ZDHHC7: variants seen among roughly 807,000 people sequenced by gnomAD.
ZDHHC7 encodes palmitoyltransferase ZDHHC7.
Under a neutral mutation model 34.1 loss-of-function variants are expected in ZDHHC7, and 12 were observed. The observed-to-expected ratio is 0.35, with a 90% CI of 0.23 to 0.57. ZDHHC7 has a LOEUF of 0.57. Ranked by LOEUF, ZDHHC7 falls within the 20% of genes least tolerant of loss-of-function variation. The pLI is 0.84. For synonymous variants in ZDHHC7, 185 were observed against 155.4 expected (o/e 1.19, Z -1.42); for missense variants, 388 against 402.7 (o/e 0.96, Z 0.31).
At chr16:84,995,738 C>A (rs939005173) in intron 2 of ZDHHC7, among the ~76,000 whole-genome samples, 184 bp downstream of exon 2, 2 of 152,324 alleles carry the variant, frequency 1.3e-5, no homozygotes, top group Admixed American at 6.5e-5. Flanking sequence ...CATGGAGTCC[C>A]CTCCACAGAT....
At chr16:85,025,647 A>G in the ZDHHC7 span, among the ~76,000 whole-genome samples, 1 of 152,042 alleles carries the variant, frequency 6.6e-6, no homozygotes, top group African/African-American at 2.4e-5. Flanking sequence ...TGACCTCATG[A>G]TCCGCCCGCC....
chr16:85,018,718 G>C, the ZDHHC7 span, among the ~76,000 whole-genome samples: 1 of 152,108 alleles, frequency 6.6e-6, no homozygotes, highest in Admixed American at 6.6e-5. Context: ...CCAAAGTGCT[G>C]AGATTACAGG....
At chr16:85,005,017 AC>A (rs1432417151) in intron 1 of ZDHHC7, 1 of 152,170 alleles carries the variant, frequency 6.6e-6, no homozygotes, top group Admixed American at 6.5e-5. Context: ...GCTTACTCGT[AC>A]CCCAAAGGTT....
At chr16:85,027,423 G>C in the ZDHHC7 span, among the ~76,000 whole-genome samples, 1 of 152,132 alleles carries the variant, frequency 6.6e-6, no homozygotes, top group African/African-American at 2.4e-5. Context: ...GAAACAACTA[G>C]AATCCGACGG....
intron 3 of ZDHHC7, among the ~76,000 whole-genome samples, chr16:84,984,003 C>T (rs112781124): frequency 0.021 from 2,914 of 142,114 alleles, 94 homozygotes; most frequent in African/African-American, 0.069. Context: ...TTACATTCTA[C>T]AATTTAGAGT....
intron 1 of ZDHHC7, among the ~76,000 whole-genome samples, chr16:85,007,867 T>A (rs767600535): frequency 6.6e-6 from 1 of 151,926 alleles, no homozygotes; most frequent in Non-Finnish European, 1.5e-5. Flanking sequence ...CCAGGCACAG[T>A]ATAACATGCC....
intron 2 of ZDHHC7, among the ~76,000 whole-genome samples, chr16:84,993,632 T>A (rs2072538988): frequency 6.6e-6 from 1 of 152,086 alleles, no homozygotes. Context: ...ACAGAGTAAG[T>A]AAGACCCAAT....
In ZDHHC7 at chr16:84,987,651, G is replaced by C. The variant is rs77517473; in HGVS notation, c.315+2653C>G. Among the ~76,000 whole-genome samples, 9 of 152,312 alleles carry C rather than the reference G, an allele frequency of 5.9e-5. No homozygotes were observed. In the East Asian group the frequency reaches 1.7e-3, roughly 29 times the overall value. On this transcript the variant is annotated intron_variant, in intron 3 of 7. Transcript: ENST00000313732. ...TCCACACAAAAACTTACACGCGGCC[G>C]TTCAGAGCAGCATGATTTGTAACAG... is the stretch of plus-strand genomic sequence containing the variant.
upstream of ZDHHC7, among the ~76,000 whole-genome samples, chr16:85,014,130 C>G (rs545697312): frequency 8.5e-5 from 13 of 152,146 alleles, no homozygotes; most frequent in Non-Finnish European, 1.9e-4. Context: ...TGGAGGGATC[C>G]TCACCACATA....
Position 84,987,932 on chromosome 16 carries a change from G to A in ZDHHC7, c.315+2372C>T, listed in dbSNP as rs576890048. Among the ~76,000 whole-genome samples, 4 of 152,346 alleles carry A rather than the reference G, an allele frequency of 2.6e-5. No homozygotes were observed. In the East Asian group the frequency reaches 7.7e-4, roughly 29 times the overall value. On this transcript the variant is annotated intron_variant, in intron 3 of 7. Transcript: ENST00000313732. ...CTGTAATCATCCCAGCACTTCGGGAGGCCGAGGCGGGCAGATCATAAGGTC... is the reference window on the plus strand; with the variant it reads ...CTGTAATCATCCCAGCACTTCGGGAAGCCGAGGCGGGCAGATCATAAGGTC...
At chr16:85,025,171 G>A in the ZDHHC7 span, among the ~76,000 whole-genome samples, 2 of 151,946 alleles carry the variant, frequency 1.3e-5, no homozygotes. Flanking sequence ...CCAGCTACTT[G>A]GGAGGCTAAG....
chr16:85,018,867 C>T, the ZDHHC7 span, among the ~76,000 whole-genome samples: 5 of 152,086 alleles, frequency 3.3e-5, no homozygotes, highest in Admixed American at 2.0e-4. Context: ...TTTTTCCCAC[C>T]GAGTTTGTGG....
intron 3 of ZDHHC7, among the ~76,000 whole-genome samples, chr16:84,987,408 G>C (rs1038066215): frequency 6.6e-6 from 1 of 152,008 alleles, no homozygotes; most frequent in Non-Finnish European, 1.5e-5. Context: ...CTGCAGGTGG[G>C]AATGTAAAAT....
Position 84,981,921 on chromosome 16 carries a change from T to C in ZDHHC7, c.389A>G (p.Tyr130Cys), listed in dbSNP as rs1447226252. 1.9e-6 allele frequency: 3 copies of C among 1,614,122 alleles called. No homozygotes were observed. The highest frequency in any genetic ancestry group is 1.7e-5 in the Admixed American group (1 of 59,998). The stretch of plus-strand genomic sequence containing the variant: ...AATACAGCAGCACTTGGGGCACTTG[T>C]AGATGACTTCCCCGGGCTTCAGCTG... Reference protein sequence around the residue: ...SLQLKPGEVIYKCPKCCCIKP... With the variant: ...SLQLKPGEVICKCPKCCCIKP... Residue 130 changes from tyrosine (Y) to cysteine (C), a missense_variant, in exon 4 of 8, where the codon TAC becomes TGC. Transcript: ENST00000313732.
At chr16:84,984,306 C>G (rs1028440439) in intron 3 of ZDHHC7, among the ~76,000 whole-genome samples, 1 of 152,154 alleles carries the variant, frequency 6.6e-6, no homozygotes, top group African/African-American at 2.4e-5. Context: ...CAGGTATGAG[C>G]CACCGTGCCT....
chr16:84,992,548 T>A (rs2072524907), intron 2 of ZDHHC7, among the ~76,000 whole-genome samples: 1 of 152,216 alleles, frequency 6.6e-6, no homozygotes, highest in Non-Finnish European at 1.5e-5. Flanking sequence ...CCTTCTCTTA[T>A]CGGTGTTTGC....
rs377526873 is a variant in ZDHHC7, at chr16:84,990,649, C to T, written c.-17-14G>A. 420 of 1,599,300 alleles carry T rather than the reference C, an allele frequency of 2.6e-4. 1 individual carries two copies. The highest frequency in any genetic ancestry group is 2.2e-3 in the South Asian group (198 of 89,382). On this transcript the variant is annotated splice_polypyrimidine_tract_variant and intron_variant, in intron 2 of 7. Transcript: ENST00000313732. ...CCCTGACGCACCCTGGGGAGGGGGA[C>T]GACACAGAGCTGGTAAGGCTCAAAA...
At chr16:85,019,749 G>C in the ZDHHC7 span, among the ~76,000 whole-genome samples, 1 of 152,114 alleles carries the variant, frequency 6.6e-6, no homozygotes, top group Non-Finnish European at 1.5e-5. Flanking sequence ...TTTTGAAAAA[G>C]TAGTCATTCA....
At position 84,976,230 on chromosome 16, in the gene ZDHHC7, G is replaced by A. The variant is rs2072294967; in HGVS notation, c.*113C>T. Reference sequence around the variant, plus strand: ...AAACTCTGCTTGCTGCAAGCAATTGGTTTGTGTAGGTTCCAGTTGCCCTGT... The same window carrying A: ...AAACTCTGCTTGCTGCAAGCAATTGATTTGTGTAGGTTCCAGTTGCCCTGT... On this transcript the variant is annotated 3_prime_UTR_variant, in exon 8 of 8. Coordinates refer to ENST00000313732, the MANE Select transcript of ZDHHC7 (RefSeq NM_017740.3). 7.4e-7 allele frequency: 1 copy of A among 1,357,440 alleles called. No homozygotes were observed. Among genetic ancestry groups the A allele is most frequent in the Non-Finnish European group, 1.0e-6 (1 of 981,988 alleles). The allele number at this position is 1,357,440 out of a possible 1,614,324, so 84.1% of individuals were successfully genotyped here.
Sources: allele counts gnomAD v4.1 joint callset (sites outside exome capture counted in the v4.1 genomes callset), GRCh38; gene constraint gnomAD v4.1.1; transcripts MANE v1.5; gene names NCBI Gene and HGNC (gene_info 2026-07-23, HGNC 2026-07-21).